Variants in CDH1 observed in about 807,000 individuals in gnomAD.
The protein encoded by CDH1 is cadherin 1, also known as cadherin-1.
In CDH1, 35 loss-of-function variants were observed where a neutral mutation model predicts 84.5. The ratio of observed to expected loss-of-function variants is 0.41; its 90% CI spans 0.32 to 0.55. The LOEUF is 0.55. Among genes scored for constraint, CDH1 ranks in the 20% least tolerant of loss-of-function variants. The pLI, the probability that CDH1 is intolerant of heterozygous loss-of-function variation, is 0.19. For synonymous variants in CDH1, 417 were observed against 439.0 expected, an observed-to-expected ratio of 0.95 and a Z score of 0.63; for missense variants, 994 against 1,126.6, an observed-to-expected ratio of 0.88 and a Z score of 1.68.
chr16:68,769,601 G>A (rs1959492197), intron 2 of CDH1, among the ~76,000 whole-genome samples: 1 of 151,880 alleles, frequency 6.6e-6, no homozygotes. Flanking sequence ...GAGCCACTGT[G>A]CCCAACCTGC....
At chr16:68,822,269 A>C (rs1439147395) in intron 12 of CDH1, 44 bp downstream of exon 12, 2 of 1,312,666 alleles carry the variant, frequency 1.5e-6, no homozygotes, top group Non-Finnish European at 2.2e-6. Flanking sequence ...TCCAACTGCC[A>C]TGCTTCCCTT....
At chr16:68,762,601 C>A (rs538267650) in intron 2 of CDH1, among the ~76,000 whole-genome samples, 1 of 152,112 alleles carries the variant, frequency 6.6e-6, no homozygotes, top group South Asian at 2.1e-4. Context: ...CTCTCAGAAA[C>A]AAAAACAAAA....
intron 13 of CDH1, among the ~76,000 whole-genome samples, chr16:68,824,769 A>G (rs895298209): frequency 2.8e-4 from 43 of 152,236 alleles, no homozygotes; most frequent in Non-Finnish European, 5.9e-4. Flanking sequence ...CAAGGTAAAT[A>G]CTTTTATCAT....
chr16:68,819,607 G>A (rs1961086502), intron 11 of CDH1, among the ~76,000 whole-genome samples, 182 bp downstream of exon 11: 1 of 152,220 alleles, frequency 6.6e-6, no homozygotes, highest in African/African-American at 2.4e-5. Context: ...GATGTGTAGT[G>A]GTAAAGTCAG....
chr16:68,808,095 G>A (rs966606720), intron 3 of CDH1, among the ~76,000 whole-genome samples: 1 of 152,116 alleles, frequency 6.6e-6, no homozygotes, highest in Non-Finnish European at 1.5e-5. Flanking sequence ...ATGAGATTAT[G>A]TAGGCTTGAA....
At chr16:68,759,852 G>A (rs888256354) in intron 2 of CDH1, among the ~76,000 whole-genome samples, 3 of 151,924 alleles carry the variant, frequency 2.0e-5, no homozygotes, top group African/African-American at 7.2e-5. Context: ...AGCTGGGAAG[G>A]AAAAGTGTGT....
At position 68,828,272 on chromosome 16, in the gene CDH1, T is replaced by C. The variant is rs1961380635; in HGVS notation, c.2263T>C (p.Tyr755His). The change falls in exon 14 of 16, where the codon TAT (tyrosine) becomes CAT (histidine). Residue 755 changes from tyrosine to histidine, a missense_variant. Physicochemically the swap from Tyr to His is moderately conservative, Grantham distance 83. Transcript: ENST00000261769. Reference sequence around the variant, plus strand: ...TGACACCCGGGACAACGTTTATTACTATGATGAAGAAGGAGGCGGAGAAGA... The same window carrying C: ...TGACACCCGGGACAACGTTTATTACCATGATGAAGAAGGAGGCGGAGAAGA... ...EDDTRDNVYY[Y>H]DEEGGGEEDQ... 1 of 1,614,128 alleles carries C rather than the reference T, an allele frequency of 6.2e-7. No individual in the cohort carries two copies. The highest frequency in any genetic ancestry group is 8.5e-7 in the Non-Finnish European group (1 of 1,180,010).
intron 2 of CDH1, among the ~76,000 whole-genome samples, chr16:68,758,207 C>CTTTTTTT (rs57413297): frequency 1.2e-4 from 5 of 40,046 alleles, no homozygotes; most frequent in African/African-American, 2.1e-4. Context: ...CTTTTTATTT[C>CTTTTTTT]TTTTTTTTTT....
chr16:68,755,733 G>GC lies in CDH1; in HGVS notation c.163+17322_163+17323insC, dbSNP rs1335220144. 5.1e-3 allele frequency among the ~76,000 whole-genome samples: 769 copies of GC among 151,576 alleles called. 6 individuals carry two copies. Among genetic ancestry groups the GC allele is most frequent in the African/African-American group, 0.016 (671 of 41,320 alleles). On this transcript the variant is annotated intron_variant, in intron 2 of 15. Transcript: ENST00000261769. ...CACCCCTCAGCATGTTGCCCAAGAG[G>GC]AATATTGCTCCAGCAGAGTTTTCTA...
chr16:68,753,510 T>C (rs985953403), intron 2 of CDH1, among the ~76,000 whole-genome samples: 1 of 151,812 alleles, frequency 6.6e-6, no homozygotes, highest in Non-Finnish European at 1.5e-5. Context: ...GGCTAATTTT[T>C]GTATTTTTAA....
chr16:68,823,749 T>C (rs1236855253), intron 13 of CDH1, 123 bp downstream of exon 13: 2 of 684,326 alleles, frequency 2.9e-6, no homozygotes, highest in Admixed American at 5.0e-5. Context: ...GGAAAGAGAC[T>C]CCCAAGTTAT....
At chr16:68,737,576 C>G in intron 1 of CDH1, 113 bp downstream of exon 1, 1 of 1,011,406 alleles carries the variant, frequency 9.9e-7, no homozygotes. Flanking sequence ...CAAGAAAGTT[C>G]GGGTCCTGAG....
chr16:68,800,411 A>G (rs780738650), intron 2 of CDH1, among the ~76,000 whole-genome samples: 1 of 152,136 alleles, frequency 6.6e-6, no homozygotes, highest in East Asian at 1.9e-4. Flanking sequence ...TTTCTCTGGC[A>G]AGGGCAGGGC....
At chr16:68,743,589 T>C (rs1880814522) in intron 2 of CDH1, among the ~76,000 whole-genome samples, 1 of 151,892 alleles carries the variant, frequency 6.6e-6, no homozygotes, top group African/African-American at 2.4e-5. Context: ...GGTCTTGAAC[T>C]CCTGAGCTCA....
rs1596960362 is a variant in CDH1, at chr16:68,819,307, C to G, written c.1593C>G (p.Asn531Lys). Residue 531 changes from asparagine (N) to lysine (K), a missense_variant, in exon 11 of 16, where the codon AAC becomes AAG. By Grantham distance (94) the Asn-to-Lys change is moderately conservative. Transcript: ENST00000261769. ...ITYRIWRDTANWLEINPDTGA... is the reference protein window; with the variant it reads ...ITYRIWRDTAKWLEINPDTGA... ...ATCGGATTTGGAGAGACACTGCCAACTGGCTGGAGATTAATCCGGACACTG... is the reference window on the plus strand; with the variant it reads ...ATCGGATTTGGAGAGACACTGCCAAGTGGCTGGAGATTAATCCGGACACTG... 6.2e-7 allele frequency: 1 copy of G among 1,614,242 alleles called. No individual in the cohort carries two copies. The highest frequency in any genetic ancestry group is 8.5e-7 in the Non-Finnish European group (1 of 1,180,044).
chr16:68,812,277 T>C lies in CDH1; in HGVS notation c.1137+14T>C. 1 of 1,613,770 alleles carries C rather than the reference T, an allele frequency of 6.2e-7. No homozygotes were observed. The highest frequency in any genetic ancestry group is 1.1e-5 in the South Asian group (1 of 91,038). ...AATCCCACCACGGTAATTCTATAAC[T>C]CCTTAGAGGGTTTCCAAAGAAAGGT... On this transcript the variant is annotated intron_variant, in intron 8 of 15. Transcript: ENST00000261769.
At chr16:68,806,016 C>T (rs934269181) in intron 3 of CDH1, among the ~76,000 whole-genome samples, 5 of 152,100 alleles carry the variant, frequency 3.3e-5, no homozygotes, top group African/African-American at 7.2e-5. Flanking sequence ...GACACAATCT[C>T]GGCTCACTAC....
Position 68,819,762 on chromosome 16 carries a change from G to A in CDH1, c.1711+337G>A, listed in dbSNP as rs76732618. On this transcript the variant is annotated intron_variant, in intron 11 of 15. Transcript: ENST00000261769. The stretch of plus-strand genomic sequence containing the variant: ...TCTACATCCATGTGTACACATTATC[G>A]AACTCCGACTTCTAAGTGAGAACAT... 9.0e-4 allele frequency among the ~76,000 whole-genome samples: 137 copies of A among 151,982 alleles called. 1 individual carries two copies. Among genetic ancestry groups the A allele is most frequent in the African/African-American group, 3.2e-3 (131 of 41,454 alleles).
intron 3 of CDH1, among the ~76,000 whole-genome samples, chr16:68,807,681 C>T (rs899400195): frequency 6.6e-6 from 1 of 151,640 alleles, no homozygotes; most frequent in Non-Finnish European, 1.5e-5. Flanking sequence ...AGAGCAAGAC[C>T]CTGTCTCTAT....
Sources: gnomAD v4.1 joint callset for allele counts (sites outside exome capture counted in the v4.1 genomes callset) on GRCh38, gnomAD v4.1.1 for gene constraint, MANE v1.5 for transcripts, NCBI Gene and HGNC (gene_info 2026-07-23, HGNC 2026-07-21) for gene names.